Variants in PDE11A observed in about 807,000 individuals in gnomAD.
PDE11A encodes the protein dual 3',5'-cyclic-AMP and -GMP phosphodiesterase 11A.
PDE11A carries 100 observed loss-of-function variants against 100.5 expected under a neutral mutation model. The ratio of observed to expected loss-of-function variants is 1.00; its 90% CI spans 0.85 to 1.18. PDE11A has a LOEUF of 1.18. Ranked by LOEUF, PDE11A falls within the 50% of genes most tolerant of loss-of-function variation. The pLI, the probability that PDE11A is intolerant of heterozygous loss-of-function variation, is 0.00. For missense variants in PDE11A, 1,141 were observed against 1,152.6 expected, an observed-to-expected ratio of 0.99 and a Z score of 0.15; for synonymous variants, 381 against 420.8, an observed-to-expected ratio of 0.91 and a Z score of 1.16.
At chr2:177,993,381 A>T (rs2086028124) in intron 2 of PDE11A, among the ~76,000 whole-genome samples, 1 of 152,132 alleles carries the variant, frequency 6.6e-6, no homozygotes, top group Admixed American at 6.5e-5. Flanking sequence ...TTTAAAAAAA[A>T]AATGTTTAGC....
intron 6 of PDE11A, among the ~76,000 whole-genome samples, chr2:177,832,274 G>A (rs569552090): frequency 4.6e-5 from 7 of 152,272 alleles, no homozygotes; most frequent in Admixed American, 6.5e-5. Context: ...ATTTGAGTCC[G>A]TGGTCTGGGA....
At chr2:177,886,140 A>G (rs1281619884) in intron 4 of PDE11A, among the ~76,000 whole-genome samples, 1 of 152,196 alleles carries the variant, frequency 6.6e-6, no homozygotes, top group Non-Finnish European at 1.5e-5. Flanking sequence ...AAGTGATAGG[A>G]ATTGCTTAGA....
intron 2 of PDE11A, among the ~76,000 whole-genome samples, chr2:178,087,168 C>A (rs1019543569): frequency 4.6e-5 from 7 of 152,032 alleles, no homozygotes; most frequent in African/African-American, 1.5e-4. Flanking sequence ...GCCTGACCAA[C>A]ATGGTGAAAC....
At chr2:177,805,162 AAAAT>A (rs2082851789) in intron 9 of PDE11A, among the ~76,000 whole-genome samples, 1 of 151,850 alleles carries the variant, frequency 6.6e-6, no homozygotes, top group Non-Finnish European at 1.5e-5. Context: ...AATAAAAAAT[AAAAT>A]AAACAGATGA....
chr2:177,735,155 C>T (rs2081757729), intron 10 of PDE11A, among the ~76,000 whole-genome samples: 1 of 152,162 alleles, frequency 6.6e-6, no homozygotes, highest in African/African-American at 2.4e-5. Context: ...CACGGGGCAC[C>T]ACAGGAACCC....
intron 10 of PDE11A, among the ~76,000 whole-genome samples, chr2:177,743,303 A>C (rs1349442068): frequency 2.0e-5 from 3 of 152,248 alleles, no homozygotes; most frequent in Admixed American, 1.3e-4. Context: ...ATGTGCAAAT[A>C]CTGCTCTCTT....
chr2:178,041,181 G>T (rs186428819), intron 1 of PDE11A, among the ~76,000 whole-genome samples: 166 of 151,816 alleles, frequency 1.1e-3, no homozygotes, highest in African/African-American at 3.8e-3. Context: ...CTCAAGCAAT[G>T]CTCCTGCCTC....
intron 10 of PDE11A, 102 bp downstream of exon 10, chr2:177,769,221 C>A: frequency 1.3e-6 from 1 of 789,636 alleles, no homozygotes; most frequent in Non-Finnish European, 2.3e-6. Flanking sequence ...TCCTCCAGCT[C>A]CCAATGGGCA....
At chr2:177,832,915 T>A (rs1304342686) in intron 6 of PDE11A, among the ~76,000 whole-genome samples, 6 of 152,156 alleles carry the variant, frequency 3.9e-5, no homozygotes, top group Non-Finnish European at 8.8e-5. Context: ...ATGCATAAAA[T>A]TCCAAGTCAA....
chr2:177,957,627 A>G (rs1389501946), intron 2 of PDE11A, among the ~76,000 whole-genome samples: 1 of 152,180 alleles, frequency 6.6e-6, no homozygotes, highest in Non-Finnish European at 1.5e-5. Context: ...TATTAGAGAT[A>G]AGAGATGGAG....
At chr2:177,880,969 G>A (rs2084323464) in intron 4 of PDE11A, among the ~76,000 whole-genome samples, 1 of 152,178 alleles carries the variant, frequency 6.6e-6, no homozygotes, top group Admixed American at 6.5e-5. Context: ...CAGATAGCTG[G>A]CAAAACATTA....
chr2:177,840,158 G>T (rs1202388682), intron 6 of PDE11A, 93 bp downstream of exon 6: 1 of 1,318,756 alleles, frequency 7.6e-7, no homozygotes, highest in Non-Finnish European at 1.1e-6. Context: ...GGATGCAAAA[G>T]AATTGCTGGT....
chr2:177,724,964 C>CT (rs1268666210), intron 12 of PDE11A, among the ~76,000 whole-genome samples: 1 of 151,962 alleles, frequency 6.6e-6, no homozygotes, highest in Non-Finnish European at 1.5e-5. Context: ...TCTTTTCTTT[C>CT]TTTTTTCCCC....
intron 2 of PDE11A, chr2:177,922,888 C>T (rs1298269499): frequency 1.1e-6 from 1 of 883,990 alleles, no homozygotes; most frequent in Non-Finnish European, 1.4e-6. Flanking sequence ...AAGTTGTATA[C>T]CTCTGTCTTT....
intron 2 of PDE11A, among the ~76,000 whole-genome samples, chr2:178,005,015 T>C (rs2086188507): frequency 6.6e-6 from 1 of 152,074 alleles, no homozygotes; most frequent in African/African-American, 2.4e-5. Flanking sequence ...TAAGGCAGCC[T>C]AGAGGGGTTT....
chr2:177,802,405 A>G (rs2082807038), intron 9 of PDE11A, among the ~76,000 whole-genome samples: 1 of 152,110 alleles, frequency 6.6e-6, no homozygotes, highest in Non-Finnish European at 1.5e-5. Context: ...ACTTATACAA[A>G]AATGTTCATA....
intron 9 of PDE11A, among the ~76,000 whole-genome samples, chr2:177,801,414 T>A (rs2082794328): frequency 6.6e-6 from 1 of 152,140 alleles, no homozygotes; most frequent in South Asian, 2.1e-4. Context: ...AAGTAGAAGC[T>A]CAACAAACAT....
chr2:178,061,360 A>G (rs1287123320), intron 1 of PDE11A, among the ~76,000 whole-genome samples: 1 of 152,148 alleles, frequency 6.6e-6, no homozygotes, highest in Non-Finnish European at 1.5e-5. Flanking sequence ...CAACCATCCT[A>G]CAATGCACAG....
chr2:177,841,489 A>C (rs1399723094), intron 5 of PDE11A, among the ~76,000 whole-genome samples: 1 of 152,258 alleles, frequency 6.6e-6, no homozygotes, highest in Non-Finnish European at 1.5e-5. Context: ...ACTATATGTA[A>C]GAAAACACTA....
Sources: gnomAD v4.1 joint callset for allele counts (sites outside exome capture counted in the v4.1 genomes callset) on GRCh38, gnomAD v4.1.1 for gene constraint, MANE v1.5 for transcripts, NCBI Gene and HGNC (gene_info 2026-07-23, HGNC 2026-07-21) for gene names.